The following RANBP17 variants were observed in gnomAD, a reference collection of about 807,000 sequenced individuals.
RANBP17 encodes ran-binding protein 17.
RANBP17 carries 158 observed loss-of-function variants against 141.2 expected under a neutral mutation model. That is an observed-to-expected ratio of 1.12 (90% CI 0.98 to 1.28). The LOEUF (loss-of-function observed/expected upper bound fraction) is 1.28. Among genes scored for constraint, RANBP17 ranks in the 50% most tolerant of loss-of-function variants. The pLI, the probability that RANBP17 is intolerant of heterozygous loss-of-function variation, is 0.00. For synonymous variants in RANBP17, 430 were observed against 450.0 expected, an observed-to-expected ratio of 0.96 and a Z score of 0.56; for missense variants, 1,438 against 1,290.7, an observed-to-expected ratio of 1.11 and a Z score of -1.75.
intron 18 of RANBP17, among the ~76,000 whole-genome samples, chr5:171,197,777 A>G (rs1032714168): frequency 1.3e-5 from 2 of 152,128 alleles, no homozygotes; most frequent in Non-Finnish European, 2.9e-5. Flanking sequence ...TGTGGCTCAC[A>G]TCTGTAATCC....
At chr5:171,085,268 G>C (rs1785563977) in intron 14 of RANBP17, among the ~76,000 whole-genome samples, 1 of 143,936 alleles carries the variant, frequency 6.9e-6, no homozygotes, top group South Asian at 2.4e-4. Flanking sequence ...AGATCAGATA[G>C]TTGTAGATAT....
intron 22 of RANBP17, among the ~76,000 whole-genome samples, chr5:171,227,037 C>T (rs934213933): frequency 1.3e-5 from 2 of 152,188 alleles, no homozygotes; most frequent in African/African-American, 2.4e-5. Flanking sequence ...CCTCCCCACT[C>T]CCTATTCTCT....
intron 12 of RANBP17, among the ~76,000 whole-genome samples, chr5:170,926,765 G>C (rs1317030281): frequency 6.6e-6 from 1 of 151,894 alleles, no homozygotes; most frequent in African/African-American, 2.4e-5. Flanking sequence ...CTTCACTCTA[G>C]CAAGTAGTTA....
chr5:171,252,075 CCATAG>C lies in RANBP17; in HGVS notation c.2776+9262_2776+9266del. 2.5e-6 allele frequency: 4 copies of C among 1,600,658 alleles called. No homozygotes were observed. In the Admixed American group the frequency reaches 6.7e-5, roughly 27 times the overall value. On this transcript the variant is annotated intron_variant, in intron 24 of 27. Transcript: ENST00000523189. ...TTCTTACATGCTTAGCAGATCTCTT[CCATAG>C]CATAGCCACTCAGAAGAAAAAGTTG...
At chr5:171,134,667 TATAAAATAA>T (rs2127795642) in intron 14 of RANBP17, among the ~76,000 whole-genome samples, 1 of 152,292 alleles carries the variant, frequency 6.6e-6, no homozygotes. Flanking sequence ...AATATTAAAT[TATAAAATAA>T]GCCCAGGTCG....
intron 12 of RANBP17, among the ~76,000 whole-genome samples, chr5:170,946,904 A>G (rs1227616161): frequency 6.6e-6 from 1 of 152,228 alleles, no homozygotes; most frequent in African/African-American, 2.4e-5. Context: ...ACTTGTTTAC[A>G]TTATGAAGCT....
intron 12 of RANBP17, among the ~76,000 whole-genome samples, chr5:170,940,968 AAAAACCCCAC>A (rs925705894): frequency 2.6e-5 from 4 of 152,170 alleles, no homozygotes; most frequent in Non-Finnish European, 4.4e-5. Context: ...AAAACAAAAC[AAAAACCCCAC>A]AAAACCCCAT....
chr5:170,944,822 T>G (rs142175140), intron 12 of RANBP17, among the ~76,000 whole-genome samples: 22 of 152,370 alleles, frequency 1.4e-4, no homozygotes, highest in African/African-American at 4.3e-4. Context: ...TTCTTTGATC[T>G]AATAAGTTTA....
intron 14 of RANBP17, among the ~76,000 whole-genome samples, chr5:171,116,590 A>C (rs1755648544): frequency 6.6e-6 from 1 of 152,184 alleles, no homozygotes; most frequent in African/African-American, 2.4e-5. Flanking sequence ...GCACATAGAG[A>C]TGTTGTGATA....
At position 170,939,677 on chromosome 5, in the gene RANBP17, C is replaced by T. The variant is rs568434034; in HGVS notation, c.1469-13920C>T. The stretch of plus-strand genomic sequence containing the variant: ...CTAGGATTACAGGCATGAGCCACCG[C>T]ACCTGGCTGTAAACACATTCATTTT... On this transcript the variant is annotated intron_variant, in intron 12 of 27. Coordinates refer to ENST00000523189, the MANE Select transcript of RANBP17 (RefSeq NM_022897.5). Among the ~76,000 whole-genome samples the T allele has an allele frequency of 9.0e-4, 137 of 152,158 alleles. 1 individual carries two copies. Among genetic ancestry groups the T allele is most frequent in the Admixed American group, 6.4e-3 (97 of 15,270 alleles).
intron 22 of RANBP17, among the ~76,000 whole-genome samples, chr5:171,229,333 G>T (rs1321370954): frequency 3.3e-5 from 5 of 152,176 alleles, no homozygotes; most frequent in Non-Finnish European, 5.9e-5. Context: ...CTGAACACAT[G>T]CTTAGATTTC....
intron 25 of RANBP17, among the ~76,000 whole-genome samples, chr5:171,277,637 G>GTGTGTATATATATATATATATATATATA (rs1437482589): frequency 2.8e-4 from 16 of 56,918 alleles, no homozygotes; most frequent in Non-Finnish European, 3.0e-4. Flanking sequence ...ATATATGTAT[G>GTGTGTATATATATATATATATATATATA]TATATATATA....
chr5:171,013,923 A>C (rs1013991343), intron 14 of RANBP17, among the ~76,000 whole-genome samples: 1 of 152,022 alleles, frequency 6.6e-6, no homozygotes, highest in African/African-American at 2.4e-5. Context: ...TGGTTCTCTC[A>C]GTTGTTGAGG....
intron 14 of RANBP17, among the ~76,000 whole-genome samples, chr5:171,031,770 C>T (rs1354088698): frequency 6.6e-6 from 1 of 151,952 alleles, no homozygotes; most frequent in Non-Finnish European, 1.5e-5. Context: ...AAGAAATATT[C>T]CACCTAGCTT....
chr5:170,948,651 T>A (rs1256671485), intron 12 of RANBP17, among the ~76,000 whole-genome samples: 1 of 152,180 alleles, frequency 6.6e-6, no homozygotes, highest in Non-Finnish European at 1.5e-5. Flanking sequence ...GATCTCCAAA[T>A]CCGGTGCAAT....
intron 16 of RANBP17, among the ~76,000 whole-genome samples, chr5:171,177,817 C>G (rs569329588): frequency 2.6e-4 from 39 of 152,232 alleles, no homozygotes; most frequent in African/African-American, 8.4e-4. Flanking sequence ...CTGGTCCTGT[C>G]TCCTATTAGA....
chr5:170,938,230 C>A (rs1774047988), intron 12 of RANBP17, among the ~76,000 whole-genome samples: 1 of 152,086 alleles, frequency 6.6e-6, no homozygotes, highest in Non-Finnish European at 1.5e-5. Context: ...ATAGGTGTAC[C>A]AACCTGAGAC....
At chr5:171,262,256 A>G (rs1384816557) in intron 24 of RANBP17, among the ~76,000 whole-genome samples, 1 of 152,172 alleles carries the variant, frequency 6.6e-6, no homozygotes, top group Admixed American at 6.5e-5. Flanking sequence ...TACTTTCGTG[A>G]CTGGGACTTG....
At position 171,254,441 on chromosome 5, in the gene RANBP17, A is replaced by C. The variant is rs1765764098; in HGVS notation, c.2777-11240A>C. On this transcript the variant is annotated intron_variant, in intron 24 of 27. Coordinates refer to ENST00000523189, the MANE Select transcript of RANBP17 (RefSeq NM_022897.5). ...ACCCTGGAAAGAAGTAATAATGTTC[A>C]TCATAACCCTAGCAGCCTGGATAGT... Among the ~76,000 whole-genome samples, 4 of 152,160 alleles carry C rather than the reference A, an allele frequency of 2.6e-5. No individual in the cohort carries two copies. In the South Asian group the frequency reaches 8.3e-4, roughly 31 times the overall value.
Sources: allele counts gnomAD v4.1 joint callset (sites outside exome capture counted in the v4.1 genomes callset), GRCh38; gene constraint gnomAD v4.1.1; transcripts MANE v1.5; gene names NCBI Gene and HGNC (gene_info 2026-07-23, HGNC 2026-07-21).